The following MVB12A variants were observed in gnomAD, a reference collection of about 807,000 sequenced individuals.
MVB12A encodes the protein CIN85/CD2AP family binding protein.
Under a neutral mutation model 34.3 loss-of-function variants are expected in MVB12A, and 30 were observed. That is an observed-to-expected ratio of 0.88 (90% CI 0.65 to 1.19). MVB12A has a LOEUF of 1.19. MVB12A is among the 50% of genes most tolerant of loss of function. MVB12A has a pLI of 0.00. For synonymous variants in MVB12A, 158 were observed against 158.9 expected, an observed-to-expected ratio of 0.99 and a Z score of 0.04; for missense variants, 355 against 369.2, an observed-to-expected ratio of 0.96 and a Z score of 0.31.
chr19:17,420,743 C>CCCCGTGTGCCAG, intron 3 of MVB12A, 109 bp downstream of exon 3: 1 of 736,786 alleles, frequency 1.4e-6, no homozygotes, highest in Non-Finnish European at 2.4e-6. Flanking sequence ...CCCTGGCACA[C>CCCCGTGTGCCAG]GGGGTGATGA....
chr19:17,422,278 C>A (rs1375654881), intron 3 of MVB12A, 54 bp from the exon 4 acceptor site: 3 of 1,562,540 alleles, frequency 1.9e-6, no homozygotes, highest in South Asian at 1.2e-5. Flanking sequence ...CATCTTTGGG[C>A]CTTCCCACCC....
chr19:17,409,200 G>A lies in MVB12A; in HGVS notation c.-5+2904G>A, dbSNP rs184777804. Among the ~76,000 whole-genome samples the A allele has an allele frequency of 2.8e-3, 393 of 141,686 alleles. 1 individual carries two copies. The highest frequency in any genetic ancestry group is 8.5e-3 in the African/African-American group (325 of 38,322). 93.0% of individuals were successfully genotyped at this position (141,686 alleles called of 152,430 possible). On this transcript the variant is annotated intron_variant, in intron 2 of 6. Coordinates refer to the MVB12A transcript ENST00000528604. ...GGCTGGAGTGCAGTGGTGTAATCTCGGCTCACTGCAACCTCTGCCTCCTGG... is the reference window on the plus strand; with the variant it reads ...GGCTGGAGTGCAGTGGTGTAATCTCAGCTCACTGCAACCTCTGCCTCCTGG...
chr19:17,422,265 A>C lies in MVB12A; in HGVS notation c.287-67A>C, dbSNP rs778687657. ...AGCACCCTGGCGAGCCTCATCCTAG[A>C]GTCATCTTTGGGCCTTCCCACCCCT... On this transcript the variant is annotated intron_variant, in intron 3 of 8. Transcript: ENST00000317040. 162 of 1,524,122 alleles carry C rather than the reference A, an allele frequency of 1.1e-4. 1 individual carries two copies. In the Middle Eastern group the frequency reaches 2.2e-3, roughly 21 times the overall value. The allele number at this position is 1,524,122 out of a possible 1,614,324, so 94.4% of individuals were successfully genotyped here.
intron 2 of MVB12A, among the ~76,000 whole-genome samples, chr19:17,407,350 C>T (rs879426257): frequency 2.4e-4 from 36 of 152,028 alleles, no homozygotes; most frequent in African/African-American, 7.7e-4. Flanking sequence ...CAGCTGGGCC[C>T]GGGGGACCAC....
chr19:17,415,932 CA>C (rs1269389621), upstream of MVB12A, among the ~76,000 whole-genome samples: 3 of 152,330 alleles, frequency 2.0e-5, no homozygotes, highest in Admixed American at 6.5e-5. Flanking sequence ...ATCACCATTG[CA>C]AAAGTTATAT....
At chr19:17,405,819 G>A (rs12609479) in intron 1 of MVB12A, 286,703 of 416,022 alleles carry the variant, frequency 0.69, 105,023 homozygotes, top group Non-Finnish European at 0.81. Flanking sequence ...GCCCTTCCCA[G>A]CTGGGTGCCA....
At chr19:17,417,871 G>A, upstream of MVB12A, 1 of 318,762 alleles carries the variant, frequency 3.1e-6, no homozygotes, top group South Asian at 2.9e-5. Flanking sequence ...AAAATTGACA[G>A]GGACCTCTGG....
At chr19:17,407,783 C>T (rs1176680964) in intron 2 of MVB12A, among the ~76,000 whole-genome samples, 3 of 152,182 alleles carry the variant, frequency 2.0e-5, no homozygotes, top group African/African-American at 2.4e-5. Context: ...GGTGGAGGAG[C>T]AGAGTCTTCT....
upstream of MVB12A, chr19:17,417,885 TTTC>T (rs1408802779): frequency 4.3e-5 from 13 of 302,124 alleles, no homozygotes; most frequent in African/African-American, 1.2e-4. Context: ...CCTCTGGGTT[TTTC>T]TTCTTCTTCT....
At chr19:17,405,892 A>G in intron 1 of MVB12A, 1 of 277,558 alleles carries the variant, frequency 3.6e-6, no homozygotes, top group East Asian at 8.5e-5. Context: ...TGTGTTACTG[A>G]GTGCCTAGGC....
chr19:17,412,690 A>C (rs930451102), intron 2 of MVB12A, among the ~76,000 whole-genome samples: 9 of 152,226 alleles, frequency 5.9e-5, no homozygotes, highest in African/African-American at 2.2e-4. Flanking sequence ...AAAAGAAAAT[A>C]GGCGGTGAGA....
At chr19:17,423,665 G>A (rs2074852389) in intron 5 of MVB12A, 28 bp from the exon 6 acceptor site, 1 of 1,613,486 alleles carries the variant, frequency 6.2e-7, no homozygotes, top group African/African-American at 1.3e-5. Flanking sequence ...GGGAGGATGA[G>A]GCTTAACCTG....
intron 2 of MVB12A, among the ~76,000 whole-genome samples, chr19:17,408,663 T>C (rs2074744061): frequency 6.6e-6 from 1 of 150,802 alleles, no homozygotes; most frequent in African/African-American, 2.4e-5. Flanking sequence ...ACCAGGCTGG[T>C]CTTGAACTCC....
rs747269762 is a variant in MVB12A, at chr19:17,423,635, G to A, written c.533+18G>A. On this transcript the variant is annotated intron_variant, in intron 5 of 8. Coordinates refer to ENST00000317040, the MANE Select transcript of MVB12A (RefSeq NM_138401.4). ...CAGCCAAGGTGAGTCCTCAGGCACC[G>A]GAGTGGGGGTGGCCGTTGTGGGAGG... 2.5e-5 allele frequency: 40 copies of A among 1,613,534 alleles called. No homozygotes were observed. Among genetic ancestry groups the A allele is most frequent in the East Asian group, 1.8e-4 (8 of 44,892 alleles).
At position 17,420,122 on chromosome 19, in the gene MVB12A, G is replaced by A. The variant is rs1371519052; in HGVS notation, c.-14G>A. 29 of 1,327,674 alleles carry A rather than the reference G, an allele frequency of 2.2e-5. No individual in the cohort carries two copies. The highest frequency in any genetic ancestry group is 2.7e-5 in the Non-Finnish European group (28 of 1,043,930). 82.2% of individuals were successfully genotyped at this position (1,327,674 alleles called of 1,614,324 possible). On this transcript the variant is annotated 5_prime_UTR_variant, in exon 1 of 9. Coordinates refer to ENST00000317040, the MANE Select transcript of MVB12A (RefSeq NM_138401.4). Reference sequence around the variant, plus strand: ...TGTGCCCCGCGACCCCGCCTTCGGCGCTCGGCTCGCAGGATGGATCCCGTA... The same window carrying A: ...TGTGCCCCGCGACCCCGCCTTCGGCACTCGGCTCGCAGGATGGATCCCGTA...
At position 17,424,945 on chromosome 19, in the gene MVB12A, C is replaced by T. The variant is rs745402651; in HGVS notation, c.774C>T (p.Phe258=). 8 of 1,610,022 alleles carry T rather than the reference C, an allele frequency of 5.0e-6. No individual in the cohort carries two copies. Among genetic ancestry groups the T allele is most frequent in the East Asian group, 2.2e-5 (1 of 44,526 alleles). Residue 258 remains phenylalanine (F), a synonymous_variant, in exon 9 of 9, where the codon TTC becomes TTT. Coordinates refer to ENST00000317040, the MANE Select transcript of MVB12A (RefSeq NM_138401.4). Reference sequence around the variant, plus strand: ...CCATCCCCCAGTATAACTACGGCTTCGTGGTGGAGAAGACCGCGGCTGCCC... The same window carrying T: ...CCATCCCCCAGTATAACTACGGCTTTGTGGTGGAGAAGACCGCGGCTGCCC... ...ADIEEEYNYG[F]VVEKTAAARL...
intron 2 of MVB12A, among the ~76,000 whole-genome samples, chr19:17,410,523 TATATATACACACACAC>T (rs2074759353): frequency 1.4e-5 from 1 of 71,588 alleles, no homozygotes; most frequent in South Asian, 5.7e-4. Flanking sequence ...TATATATATA[TATATATACACACACAC>T]ATATATATAT....
chr19:17,423,686 C>T lies in MVB12A; in HGVS notation c.534-7C>T. The T allele has an allele frequency of 6.2e-7, 1 of 1,613,780 alleles. No homozygotes were observed. The highest frequency in any genetic ancestry group is 8.5e-7 in the Non-Finnish European group (1 of 1,179,838). ...ATGAGGCTTAACCTGAGTCATCCCA[C>T]CTCCAGTAAGGGCGGCCTCCTGGAG... is the stretch of plus-strand genomic sequence containing the variant. On this transcript the variant is annotated splice_polypyrimidine_tract_variant and splice_region_variant and intron_variant, in intron 5 of 8. Transcript: ENST00000317040.
At chr19:17,406,605 C>A (rs1443110663) in intron 2 of MVB12A, among the ~76,000 whole-genome samples, 2 of 151,964 alleles carry the variant, frequency 1.3e-5, no homozygotes, top group Non-Finnish European at 2.9e-5. Context: ...CTGGGGAACT[C>A]CCCCCAGGCC....
Sources: allele counts gnomAD v4.1 joint callset (sites outside exome capture counted in the v4.1 genomes callset), GRCh38; gene constraint gnomAD v4.1.1; transcripts MANE v1.5; gene names NCBI Gene and HGNC (gene_info 2026-07-23, HGNC 2026-07-21).